The following B3GAT2 variants were observed in gnomAD, a reference collection of about 807,000 sequenced individuals.
B3GAT2 encodes galactosylgalactosylxylosylprotein 3-beta-glucuronosyltransferase 2.
B3GAT2 carries 26 observed loss-of-function variants against 27.8 expected under a neutral mutation model. The ratio of observed to expected loss-of-function variants is 0.93; its 90% CI spans 0.68 to 1.30. B3GAT2 has a LOEUF of 1.30. Among genes scored for constraint, B3GAT2 ranks in the 50% most tolerant of loss-of-function variants. B3GAT2 has a pLI of 0.00. For synonymous variants in B3GAT2, 218 were observed against 195.1 expected (o/e 1.12, Z -0.98); for missense variants, 458 against 459.0 (o/e 1.00, Z 0.02).
intron 2 of B3GAT2, among the ~76,000 whole-genome samples, chr6:70,884,915 C>G (rs1316894170): frequency 1.3e-5 from 2 of 152,162 alleles, no homozygotes; most frequent in Non-Finnish European, 2.9e-5. Context: ...AGGAAGAATG[C>G]CTGCAAGGCT....
intron 2 of B3GAT2, among the ~76,000 whole-genome samples, chr6:70,870,835 G>T (rs1425443016): frequency 6.6e-6 from 1 of 152,226 alleles, no homozygotes; most frequent in East Asian, 1.9e-4. Context: ...TAGGGAAAAA[G>T]CTTTCGGCAT....
In B3GAT2 at chr6:70,860,225, G is replaced by T; in HGVS notation, c.*1438C>A. 1.9e-6 allele frequency: 3 copies of T among 1,612,528 alleles called. No homozygotes were observed. The highest frequency in any genetic ancestry group is 2.5e-6 in the Non-Finnish European group (3 of 1,179,502). Reference sequence around the variant, plus strand: ...ATGAATCAGCAGATGGCTGGCATGAGTATCAGTAGTGCAACCCCTACTGCA... The same window carrying T: ...ATGAATCAGCAGATGGCTGGCATGATTATCAGTAGTGCAACCCCTACTGCA... On this transcript the variant is annotated 3_prime_UTR_variant, in exon 4 of 4. Coordinates refer to ENST00000230053, the MANE Select transcript of B3GAT2 (RefSeq NM_080742.3).
intron 1 of B3GAT2, among the ~76,000 whole-genome samples, chr6:70,926,671 C>A (rs1241233892): frequency 1.3e-5 from 2 of 152,138 alleles, no homozygotes; most frequent in Non-Finnish European, 2.9e-5. Context: ...AAATATGGGA[C>A]TATGTGAAAA....
chr6:70,892,601 T>C (rs1772309220), intron 2 of B3GAT2, among the ~76,000 whole-genome samples: 1 of 151,936 alleles, frequency 6.6e-6, no homozygotes, highest in Non-Finnish European at 1.5e-5. Context: ...TACTTGAGAG[T>C]TCCAAGGTGG....
intron 1 of B3GAT2, among the ~76,000 whole-genome samples, chr6:70,917,131 G>T (rs1772786344): frequency 1.3e-5 from 2 of 152,104 alleles, no homozygotes; most frequent in South Asian, 4.1e-4. Flanking sequence ...TCTTGGGAGG[G>T]TGTATGTGTC....
chr6:70,900,067 AAC>A, intron 1 of B3GAT2, among the ~76,000 whole-genome samples: 1 of 152,324 alleles, frequency 6.6e-6, no homozygotes, highest in Middle Eastern at 3.4e-3. Context: ...TAATATTACA[AAC>A]AGTTCTGGCC....
intron 2 of B3GAT2, among the ~76,000 whole-genome samples, chr6:70,871,848 C>T (rs1222195232): frequency 6.6e-6 from 1 of 151,780 alleles, no homozygotes; most frequent in Non-Finnish European, 1.5e-5. Context: ...TATAAATGTC[C>T]TGCTAAGCAC....
intron 1 of B3GAT2, among the ~76,000 whole-genome samples, chr6:70,934,518 G>A (rs933149263): frequency 6.6e-6 from 1 of 152,112 alleles, no homozygotes; most frequent in Non-Finnish European, 1.5e-5. Context: ...TATTAAGAAA[G>A]CCAATGTCTC....
At chr6:70,955,446 G>A (rs1221497469) in intron 1 of B3GAT2, among the ~76,000 whole-genome samples, 2 of 68,642 alleles carry the variant, frequency 2.9e-5, no homozygotes, top group African/African-American at 1.1e-4. Context: ...CACCCGCTAC[G>A]GTGCAGGTCC....
chr6:70,902,277 T>C (rs976688026), intron 1 of B3GAT2, among the ~76,000 whole-genome samples: 1 of 151,638 alleles, frequency 6.6e-6, no homozygotes, highest in Non-Finnish European at 1.5e-5. Flanking sequence ...GGCAGTTCAA[T>C]GGGGGAAAAG....
intron 1 of B3GAT2, among the ~76,000 whole-genome samples, chr6:70,933,073 A>G (rs1488352215): frequency 6.6e-6 from 1 of 152,208 alleles, no homozygotes; most frequent in African/African-American, 2.4e-5. Context: ...TGCTGGGATT[A>G]TAAGTGTGAG....
intron 2 of B3GAT2, among the ~76,000 whole-genome samples, chr6:70,892,712 CT>C (rs1772311508): frequency 6.6e-6 from 1 of 152,222 alleles, no homozygotes; most frequent in South Asian, 2.1e-4. Context: ...AGCAGAAGGA[CT>C]TTCCCTAATG....
chr6:70,857,999 G>A lies in B3GAT2; in HGVS notation c.*3664C>T, dbSNP rs201352419. On this transcript the variant is annotated 3_prime_UTR_variant, in exon 4 of 4. Transcript: ENST00000230053. ...ATTTCAGGGCTTTCCATCGATGGGC[G>A]TGCCTGTGCCTGCAGCTCCTGGCCT... is the stretch of plus-strand genomic sequence containing the variant. 43 of 1,614,012 alleles carry A rather than the reference G, an allele frequency of 2.7e-5. No homozygotes were observed. Among genetic ancestry groups the A allele is most frequent in the South Asian group, 4.4e-5 (4 of 91,090 alleles).
chr6:70,894,342 A>C (rs1772343642), intron 1 of B3GAT2, 70 bp from the exon 2 acceptor site: 2 of 1,458,114 alleles, frequency 1.4e-6, no homozygotes, highest in East Asian at 2.3e-5. Flanking sequence ...AATGTGATCT[A>C]TGTAGAAGAA....
At chr6:70,932,702 T>A (rs1033690120) in intron 1 of B3GAT2, among the ~76,000 whole-genome samples, 1 of 152,242 alleles carries the variant, frequency 6.6e-6, no homozygotes, top group African/African-American at 2.4e-5. Flanking sequence ...TATTTTACTA[T>A]GATAAAAAAC....
chr6:70,875,948 C>G (rs938528833), intron 2 of B3GAT2, among the ~76,000 whole-genome samples: 1 of 152,194 alleles, frequency 6.6e-6, no homozygotes, highest in Non-Finnish European at 1.5e-5. Flanking sequence ...GATGGAAAAT[C>G]TGATCCTAAT....
intron 1 of B3GAT2, among the ~76,000 whole-genome samples, chr6:70,915,566 T>G (rs1419969680): frequency 6.6e-6 from 1 of 152,230 alleles, no homozygotes; most frequent in Non-Finnish European, 1.5e-5. Context: ...TTTATCCATC[T>G]TGAGTTAATT....
chr6:70,909,316 A>T (rs1036858231), intron 1 of B3GAT2, among the ~76,000 whole-genome samples: 2 of 152,218 alleles, frequency 1.3e-5, no homozygotes, highest in Admixed American at 6.5e-5. Context: ...ACTATTGACA[A>T]GACACATTTT....
chr6:70,899,038 A>G (rs1383907400), intron 1 of B3GAT2, among the ~76,000 whole-genome samples: 8 of 152,176 alleles, frequency 5.3e-5, no homozygotes, highest in Non-Finnish European at 1.0e-4. Context: ...ATGTGGGCCC[A>G]CATGTAACAA....
Sources: allele counts gnomAD v4.1 joint callset (sites outside exome capture counted in the v4.1 genomes callset), GRCh38; gene constraint gnomAD v4.1.1; transcripts MANE v1.5; gene names NCBI Gene and HGNC (gene_info 2026-07-23, HGNC 2026-07-21).